Variants in NLRC5 observed in about 807,000 individuals in gnomAD.
The protein encoded by NLRC5 is protein NLRC5.
Under a neutral mutation model 206.9 loss-of-function variants are expected in NLRC5, and 114 were observed. That is an observed-to-expected ratio of 0.55 (90% CI 0.47 to 0.64). The LOEUF (loss-of-function observed/expected upper bound fraction) is 0.64, where lower values mean the gene tolerates loss of function less well. NLRC5 is among the 30% of genes least tolerant of loss of function. The probability of loss-of-function intolerance (pLI) is 0.00; values close to 1 mark genes in which losing one functional copy is unlikely to be tolerated. For missense variants in NLRC5, 2,008 were observed against 2,305.5 expected (o/e 0.87, Z 2.64); for synonymous variants, 952 against 962.8 (o/e 0.99, Z 0.21).
In NLRC5 at chr16:57,054,791, C is replaced by T; in HGVS notation, c.3547C>T (p.Leu1183=). The change falls in exon 25 of 49, where the codon CTG becomes TTG. Residue 1183 remains leucine (L), a synonymous_variant. Transcript: ENST00000688547. ...TGLSPKSPFL[L]ANTLSLCPRV... is the part of the protein sequence containing the mutation. ...ACTGTCCCCGAAAAGCCCCTTCCTGCTGGCCAACACCTTAAGCCTGTGTCC... is the reference window on the plus strand; with the variant it reads ...ACTGTCCCCGAAAAGCCCCTTCCTGTTGGCCAACACCTTAAGCCTGTGTCC... 2.5e-6 allele frequency: 4 copies of T among 1,614,218 alleles called. No homozygotes were observed. Among genetic ancestry groups the T allele is most frequent in the Non-Finnish European group, 3.4e-6 (4 of 1,180,040 alleles).
rs149590592 is a variant in NLRC5, at chr16:57,071,850, G to T, written c.4667+1232G>T. Among the ~76,000 whole-genome samples, 7 of 152,016 alleles carry T rather than the reference G, an allele frequency of 4.6e-5. No homozygotes were observed. The East Asian group carries it at 7.7e-4, about 17-fold the overall frequency. The stretch of plus-strand genomic sequence containing the variant: ...TAATGGGGAAAGGAGTGAGTGAGGG[G>T]TGATGGTGCTTAGTGCTGCATGGTC... On this transcript the variant is annotated intron_variant, in intron 38 of 48. Transcript: ENST00000688547.
rs752350365 is a variant in NLRC5 at position 57,079,033 on chromosome 16, C to T, written c.5082-17C>T. 1.2e-6 allele frequency: 2 copies of T among 1,611,982 alleles called. No individual in the cohort carries two copies. The highest frequency in any genetic ancestry group is 1.3e-5 in the African/African-American group (1 of 74,904). ...GCCAGTCCCTCAGGCTCCTCTCACCCTCTCCTCTTTCCCCAGCCTACCATT... is the reference window on the plus strand; with the variant it reads ...GCCAGTCCCTCAGGCTCCTCTCACCTTCTCCTCTTTCCCCAGCCTACCATT... On this transcript the variant is annotated splice_polypyrimidine_tract_variant and intron_variant, in intron 43 of 48. Coordinates refer to ENST00000688547, the MANE Select transcript of NLRC5 (RefSeq NM_001384950.1).
chr16:57,036,295 C>T lies in NLRC5; in HGVS notation c.2711+112C>T. On this transcript the variant is annotated intron_variant, in intron 14 of 48. Transcript: ENST00000688547. ...GCTGATCCACTGCCACCCCTGCTTC[C>T]TCCCAACTCCAGCAAAGTCAAGATG... is the stretch of plus-strand genomic sequence containing the variant. The T allele has an allele frequency of 3.1e-6, 3 of 952,984 alleles. No individual in the cohort carries two copies. In the South Asian group the frequency reaches 4.3e-5, roughly 14 times the overall value. The allele number at this position is 952,984 out of a possible 1,614,324, so 59.0% of individuals were successfully genotyped here. A position where few individuals can be genotyped will look rare whatever the true frequency, so the allele number is the denominator to read the frequency against.
At chr16:57,045,214 A>G in intron 20 of NLRC5, 1 of 535,064 alleles carries the variant, frequency 1.9e-6, no homozygotes. Context: ...CTTCGAAACA[A>G]CAACAAAGAA....
chr16:57,055,014 A>G lies in NLRC5; in HGVS notation c.3597-18A>G, dbSNP rs76490950. 2 of 1,614,136 alleles carry G rather than the reference A, an allele frequency of 1.2e-6. No individual in the cohort carries two copies. The highest frequency in any genetic ancestry group is 1.7e-6 in the Non-Finnish European group (2 of 1,179,996). ...GGCTGTGGCCACAGCTGTCTGACCC[A>G]GGTCCTGTCTGATCCAGGTCCCTGC... On this transcript the variant is annotated intron_variant, in intron 25 of 48. Transcript: ENST00000688547.
intron 27 of NLRC5, among the ~76,000 whole-genome samples, chr16:57,055,777 T>C (rs777706384): frequency 6.6e-6 from 1 of 152,160 alleles, no homozygotes; most frequent in Non-Finnish European, 1.5e-5. Context: ...GCCTCAAGTA[T>C]GTGCAAGCTC....
chr16:57,003,413 C>T (rs769705157), intron 1 of NLRC5, among the ~76,000 whole-genome samples: 1 of 152,184 alleles, frequency 6.6e-6, no homozygotes, highest in South Asian at 2.1e-4. Flanking sequence ...CATCCCACAA[C>T]CATCTTGCCA....
intron 1 of NLRC5, chr16:56,991,017 A>C (rs779683656): frequency 4.6e-5 from 7 of 152,184 alleles, no homozygotes; most frequent in Non-Finnish European, 1.0e-4. Flanking sequence ...GATGACCATG[A>C]ACTAACCATT....
At position 57,083,244 on chromosome 16, in the gene NLRC5, C is replaced by G. The variant is rs1490060976; in HGVS notation, c.*716C>G. On this transcript the variant is annotated 3_prime_UTR_variant, in exon 49 of 49. Transcript: ENST00000688547. ...GACTCCTCCCTTACTTACATACTAG[C>G]TTCCAAGGACAGGTGGAGGTAGGGC... 2 of 152,326 alleles carry G rather than the reference C, an allele frequency of 1.3e-5. No homozygotes were observed. Among genetic ancestry groups the G allele is most frequent in the African/African-American group, 4.8e-5 (2 of 41,466 alleles). The allele number at this position is 152,326 out of a possible 1,614,324, so 9.4% of individuals were successfully genotyped here.
Position 57,058,117 on chromosome 16 carries a change from C to T in NLRC5, c.3799C>T (p.Leu1267=). Residue 1267 remains leucine, a synonymous_variant, in exon 28 of 49, where the codon CTG becomes TTG. Coordinates refer to ENST00000688547, the MANE Select transcript of NLRC5 (RefSeq NM_001384950.1). ...CGGACTCAGATGCCTTCTGGAATGT[C>T]TGCCGCAGGTGCCCATCTCCGGTTT... The part of the protein sequence containing the change: ...DSGLRCLLEC[L]PQVPISGLLD... 1.2e-6 allele frequency: 2 copies of T among 1,611,342 alleles called. No homozygotes were observed. Among genetic ancestry groups the T allele is most frequent in the African/African-American group, 2.7e-5 (2 of 75,008 alleles).
chr16:57,003,440 A>AC (rs756717382), intron 1 of NLRC5, among the ~76,000 whole-genome samples: 20 of 151,458 alleles, frequency 1.3e-4, no homozygotes, highest in African/African-American at 4.1e-4. Context: ...CATTATGATG[A>AC]CCCCCCATAG....
rs774625323 is a variant in NLRC5, at chr16:57,017,066, C to G, written c.-127-8C>G. 5.9e-5 allele frequency: 9 copies of G among 152,806 alleles called. No individual in the cohort carries two copies. The highest frequency in any genetic ancestry group is 1.3e-4 in the Non-Finnish European group (9 of 68,130). 9.5% of individuals were successfully genotyped at this position (152,806 alleles called of 1,614,324 possible). Reference sequence around the variant, plus strand: ...GTGGGGAAAACTCCCTGTCTTCTCTCCCCTTAGGAGTCTGCACTATGGAAA... The same window carrying G: ...GTGGGGAAAACTCCCTGTCTTCTCTGCCCTTAGGAGTCTGCACTATGGAAA... On this transcript the variant is annotated splice_polypyrimidine_tract_variant and splice_region_variant and intron_variant, in intron 1 of 48. Coordinates refer to ENST00000688547, the MANE Select transcript of NLRC5 (RefSeq NM_001384950.1).
In NLRC5 at chr16:57,066,565, C is replaced by A; in HGVS notation, c.4273C>A (p.Gln1425Lys). The A allele has an allele frequency of 6.2e-7, 1 of 1,614,044 alleles. No individual in the cohort carries two copies. Among genetic ancestry groups the A allele is most frequent in the Non-Finnish European group, 8.5e-7 (1 of 1,180,002 alleles). Residue 1425 changes from glutamine (Q) to lysine (K), a missense_variant, in exon 34 of 49, where the codon CAG (glutamine) becomes AAG (lysine). Transcript: ENST00000688547. ...ISETQQQLCV[Q>K]LEFPRQEENP... ...CGAGACCCAGCAGCAGCTCTGTGTC[C>A]AGCTGGAATTTCCTCGCCAGGAAGA... is the stretch of plus-strand genomic sequence containing the variant.
intron 1 of NLRC5, among the ~76,000 whole-genome samples, chr16:57,005,643 G>A (rs2058810963): frequency 6.6e-6 from 1 of 152,098 alleles, no homozygotes; most frequent in Non-Finnish European, 1.5e-5. Flanking sequence ...TCTAGGCCAG[G>A]TGCAGTGGCT....
rs753267173 is a variant in NLRC5 at position 57,067,357 on chromosome 16, CA to C, written c.4323-26del. 3.7e-6 allele frequency: 6 copies of C among 1,602,272 alleles called. No individual in the cohort carries two copies. In the South Asian group the frequency reaches 6.6e-5, roughly 18 times the overall value. On this transcript the variant is annotated intron_variant, in intron 34 of 48. Transcript: ENST00000688547. ...ATCCCACATACTGGACTAGATGTTC[CA>C]AAACTGTCGTCTCCCTGTCTGTGTC... is the stretch of plus-strand genomic sequence containing the variant.
Position 57,070,054 on chromosome 16 carries a change from T to G in NLRC5, c.4583+135T>G, listed in dbSNP as rs902871907. 53 of 711,370 alleles carry G rather than the reference T, an allele frequency of 7.5e-5. No homozygotes were observed. The East Asian group carries it at 1.4e-3, about 19-fold the overall frequency. 44.1% of individuals were successfully genotyped at this position (711,370 alleles called of 1,614,324 possible). A position where few individuals can be genotyped will look rare whatever the true frequency, so the allele number is the denominator to read the frequency against. On this transcript the variant is annotated intron_variant, in intron 37 of 48. Coordinates refer to ENST00000688547, the MANE Select transcript of NLRC5 (RefSeq NM_001384950.1). ...CCTTCCCCTGATGAAGTGCAGCAGT[T>G]CTGGGTGTGGCCTGGGGAAGGAAGA...
intron 11 of NLRC5, among the ~76,000 whole-genome samples, chr16:57,031,971 T>C (rs1456525630): frequency 6.6e-6 from 1 of 151,926 alleles, no homozygotes; most frequent in Non-Finnish European, 1.5e-5. Flanking sequence ...AGGGAGCTGC[T>C]TTTCCCTAAA....
In NLRC5 at chr16:57,029,876, C is replaced by G; in HGVS notation, c.2327+20C>G. The G allele has an allele frequency of 6.2e-7, 1 of 1,611,084 alleles. No individual in the cohort carries two copies. The highest frequency in any genetic ancestry group is 1.7e-4 in the Middle Eastern group (1 of 6,058). On this transcript the variant is annotated intron_variant, in intron 9 of 48. Transcript: ENST00000688547. Reference sequence around the variant, plus strand: ...GCTTGAGTAAGTGATCTTTCCACTGCCTCTGCAGCCCAGTCCCTCTCTATA... The same window carrying G: ...GCTTGAGTAAGTGATCTTTCCACTGGCTCTGCAGCCCAGTCCCTCTCTATA...
intron 42 of NLRC5, 27 bp downstream of exon 42, chr16:57,077,829 C>A: frequency 6.3e-7 from 1 of 1,588,256 alleles, no homozygotes; most frequent in Non-Finnish European, 8.6e-7. Flanking sequence ...GTGGCCTCTG[C>A]CCTCTGTGCC....
Sources: allele counts gnomAD v4.1 joint callset (sites outside exome capture counted in the v4.1 genomes callset), GRCh38; gene constraint gnomAD v4.1.1; transcripts MANE v1.5; gene names NCBI Gene and HGNC (gene_info 2026-07-23, HGNC 2026-07-21).